TMPRSS7: variants seen among roughly 807,000 people sequenced by gnomAD.
TMPRSS7 encodes transmembrane serine protease 7.
Under a neutral mutation model 95.6 loss-of-function variants are expected in TMPRSS7, and 81 were observed. That is an observed-to-expected ratio of 0.85 (90% CI 0.71 to 1.02). The LOEUF (loss-of-function observed/expected upper bound fraction) is 1.02. Among genes scored for constraint, TMPRSS7 ranks in the 50% least tolerant of loss-of-function variants. The pLI is 0.00. For synonymous variants in TMPRSS7, 364 were observed against 337.8 expected (o/e 1.08, Z -0.85); for missense variants, 945 against 955.2 (o/e 0.99, Z 0.14).
At chr3:112,036,636 A>C (rs2107734090) in intron 1 of TMPRSS7, among the ~76,000 whole-genome samples, 1 of 152,000 alleles carries the variant, frequency 6.6e-6, no homozygotes, top group East Asian at 1.9e-4. Context: ...TCTTAACCTT[A>C]ACCTCCTAAC....
chr3:112,043,804 C>T (rs1032298549), intron 3 of TMPRSS7, among the ~76,000 whole-genome samples: 2 of 152,180 alleles, frequency 1.3e-5, no homozygotes, highest in African/African-American at 2.4e-5. Context: ...GCTGGTAGAC[C>T]TGGCTGTGGG....
chr3:112,051,954 G>A (rs2073365942), intron 9 of TMPRSS7, among the ~76,000 whole-genome samples: 1 of 152,046 alleles, frequency 6.6e-6, no homozygotes, highest in African/African-American at 2.4e-5. Context: ...ACTACTATGG[G>A]CCAGGCACTC....
intron 13 of TMPRSS7, among the ~76,000 whole-genome samples, chr3:112,069,151 C>G (rs1214478668): frequency 2.0e-5 from 3 of 152,144 alleles, no homozygotes; most frequent in Non-Finnish European, 4.4e-5. Context: ...GTTGAACCAG[C>G]CTTGTGTCCC....
At chr3:112,050,846 T>A in intron 9 of TMPRSS7, 63 bp downstream of exon 9, 1 of 794,008 alleles carries the variant, frequency 1.3e-6, no homozygotes, top group Non-Finnish European at 2.0e-6. Context: ...AGCATGAATT[T>A]CATTCATTTT....
chr3:112,077,390 G>T (rs1317456759), intron 16 of TMPRSS7, among the ~76,000 whole-genome samples: 1 of 152,124 alleles, frequency 6.6e-6, no homozygotes, highest in Non-Finnish European at 1.5e-5. Flanking sequence ...AGGCAGGATT[G>T]ACTAGATAGT....
At chr3:112,054,536 C>T (rs2073405908) in intron 9 of TMPRSS7, among the ~76,000 whole-genome samples, 1 of 152,016 alleles carries the variant, frequency 6.6e-6, no homozygotes, top group Non-Finnish European at 1.5e-5. Flanking sequence ...TGCAAGGGGA[C>T]TCATTTCTTT....
intron 12 of TMPRSS7, among the ~76,000 whole-genome samples, chr3:112,064,034 T>C (rs911762679): frequency 2.8e-4 from 42 of 152,228 alleles, no homozygotes; most frequent in Non-Finnish European, 5.9e-5. Flanking sequence ...CACACCATCA[T>C]TTGTGTTACA....
chr3:112,079,643 C>T (rs2073754655), intron 17 of TMPRSS7, among the ~76,000 whole-genome samples: 1 of 152,078 alleles, frequency 6.6e-6, no homozygotes, highest in Admixed American at 6.6e-5. Flanking sequence ...TTGCATACTC[C>T]TGATTTAGAG....
intron 9 of TMPRSS7, among the ~76,000 whole-genome samples, chr3:112,051,625 C>CT (rs374857411): frequency 6.3e-4 from 90 of 142,540 alleles, no homozygotes; most frequent in Middle Eastern, 7.2e-3. Flanking sequence ...CTATCTCTAT[C>CT]ATCTATCTAT....
intron 5 of TMPRSS7, 83 bp from the exon 6 acceptor site, chr3:112,046,891 C>T: frequency 1.4e-6 from 1 of 692,282 alleles, no homozygotes; most frequent in Non-Finnish European, 2.6e-6. Context: ...TAAAGAAGGA[C>T]TGAAAATAAT....
At position 112,061,961 on chromosome 3, in the gene TMPRSS7, T is replaced by C. The variant is rs772288893; in HGVS notation, c.1447+38T>C. On this transcript the variant is annotated intron_variant, in intron 11 of 17. Transcript: ENST00000452346. ...TCACCTCCTTAGGAAAACTTAATAC[T>C]TACATAGAGGATAACATTTTATAAT... 6 of 1,528,388 alleles carry C rather than the reference T, an allele frequency of 3.9e-6. No homozygotes were observed. In the African/African-American group the frequency reaches 5.5e-5, roughly 14 times the overall value. The allele number at this position is 1,528,388 out of a possible 1,614,324, so 94.7% of individuals were successfully genotyped here.
At position 112,079,227 on chromosome 3, in the gene TMPRSS7, A is replaced by G. The variant is rs560678910; in HGVS notation, c.2361+349A>G. On this transcript the variant is annotated intron_variant, in intron 17 of 17. Coordinates refer to ENST00000452346, the Ensembl canonical transcript of TMPRSS7. ...AAAATTTGAAGGATTTTATTTACTC[A>G]TTCCTTTGAAGTATATGCTGGTGGA... 2.6e-5 allele frequency among the ~76,000 whole-genome samples: 4 copies of G among 152,292 alleles called. No homozygotes were observed. In the East Asian group the frequency reaches 7.7e-4, roughly 29 times the overall value.
At chr3:112,037,779 T>C (rs944901264) in intron 1 of TMPRSS7, among the ~76,000 whole-genome samples, 1 of 152,006 alleles carries the variant, frequency 6.6e-6, no homozygotes, top group African/African-American at 2.4e-5. Flanking sequence ...GGCCGACACT[T>C]AGGGAAAATA....
intron 17 of TMPRSS7, among the ~76,000 whole-genome samples, chr3:112,080,485 C>T (rs1018578376): frequency 7.9e-5 from 12 of 151,716 alleles, no homozygotes; most frequent in East Asian, 1.9e-4. Context: ...TGTCTCTAAA[C>T]GATTCTTAGC....
chr3:112,036,655 C>A (rs2073152220), intron 1 of TMPRSS7, among the ~76,000 whole-genome samples: 1 of 152,084 alleles, frequency 6.6e-6, no homozygotes. Flanking sequence ...ACCTTCAAGT[C>A]CTCTAATCTA....
intron 13 of TMPRSS7, among the ~76,000 whole-genome samples, chr3:112,071,135 G>A (rs916476548): frequency 7.2e-5 from 11 of 152,174 alleles, no homozygotes; most frequent in Non-Finnish European, 2.9e-5. Context: ...TTGTAAGGCA[G>A]GCCTAGTGGT....
intron 1 of TMPRSS7, among the ~76,000 whole-genome samples, chr3:112,035,628 A>C (rs750416896): frequency 2.0e-5 from 3 of 152,186 alleles, no homozygotes; most frequent in Non-Finnish European, 4.4e-5. Flanking sequence ...GGCATTCCAT[A>C]TTGTTGCCTT....
chr3:112,039,884 G>A (rs2073188391), intron 2 of TMPRSS7: 1 of 152,180 alleles, frequency 6.6e-6, no homozygotes, highest in Non-Finnish European at 1.5e-5. Flanking sequence ...ACTTCTGATT[G>A]GGATCTGCAT....
Position 112,048,106 on chromosome 3 carries a change from A to G in TMPRSS7, c.959+139A>G, listed in dbSNP as rs535262931. On this transcript the variant is annotated intron_variant, in intron 7 of 17. Coordinates refer to ENST00000452346, the Ensembl canonical transcript of TMPRSS7. ...GAGGTCAATGGCTGACCCGTGCCCT[A>G]TTTAGTATCCCCTATACTTTAGTAC... 1.7e-5 allele frequency: 12 copies of G among 697,802 alleles called. No individual in the cohort carries two copies. The African/African-American group carries it at 2.1e-4, about 12-fold the overall frequency. 43.2% of individuals were successfully genotyped at this position (697,802 alleles called of 1,614,324 possible).
Sources: allele counts gnomAD v4.1 joint callset (sites outside exome capture counted in the v4.1 genomes callset), GRCh38; gene constraint gnomAD v4.1.1; transcripts MANE v1.5; gene names NCBI Gene and HGNC (gene_info 2026-07-23, HGNC 2026-07-21).